Variants in INTS7 observed in about 807,000 individuals in gnomAD.
INTS7 encodes the protein chromosome 1 open reading frame 73.
INTS7 carries 46 observed loss-of-function variants against 109.2 expected under a neutral mutation model. The observed-to-expected ratio is 0.42, with a 90% CI of 0.33 to 0.54. INTS7 has a LOEUF of 0.54. INTS7 is among the 20% of genes least tolerant of loss of function. The probability of loss-of-function intolerance (pLI) is 0.07; values close to 1 mark genes in which losing one functional copy is unlikely to be tolerated. For synonymous variants in INTS7, 412 were observed against 402.9 expected, an observed-to-expected ratio of 1.02 and a Z score of -0.27; for missense variants, 929 against 1,132.4, an observed-to-expected ratio of 0.82 and a Z score of 2.58.
intron 17 of INTS7, among the ~76,000 whole-genome samples, chr1:211,952,092 T>C (rs751981735): frequency 1.5e-4 from 23 of 152,222 alleles, no homozygotes; most frequent in Non-Finnish European, 2.8e-4. Flanking sequence ...TCTGTTTCAA[T>C]TGTCCAGTGG....
chr1:211,973,822 T>A (rs1203114076), intron 13 of INTS7, among the ~76,000 whole-genome samples: 1 of 152,214 alleles, frequency 6.6e-6, no homozygotes, highest in Non-Finnish European at 1.5e-5. Flanking sequence ...ACATACCAAG[T>A]GTTTATGATC....
chr1:212,014,986 C>T (rs1666346227), intron 4 of INTS7, among the ~76,000 whole-genome samples: 1 of 150,956 alleles, frequency 6.6e-6, no homozygotes, highest in Admixed American at 6.6e-5. Flanking sequence ...CGTCTCTAAC[C>T]GGCCACCCCA....
intron 8 of INTS7, among the ~76,000 whole-genome samples, chr1:211,984,485 TTTAAAA>T (rs1664806994): frequency 6.6e-6 from 1 of 152,200 alleles, no homozygotes; most frequent in Admixed American, 6.5e-5. Context: ...AACAGTACAA[TTTAAAA>T]ACTCACATAT....
At chr1:211,965,688 G>A (rs926146188) in intron 16 of INTS7, among the ~76,000 whole-genome samples, 3 of 152,132 alleles carry the variant, frequency 2.0e-5, no homozygotes, top group Non-Finnish European at 4.4e-5. Flanking sequence ...GCAAACTAAC[G>A]CAGGAACAGA....
At chr1:212,010,819 AT>A (rs1666135764) in intron 5 of INTS7, among the ~76,000 whole-genome samples, 1 of 152,196 alleles carries the variant, frequency 6.6e-6, no homozygotes, top group South Asian at 2.1e-4. Flanking sequence ...TGGCTATACC[AT>A]TTAGGTTTAT....
At chr1:211,995,607 A>C (rs957372495) in intron 7 of INTS7, among the ~76,000 whole-genome samples, 3 of 152,248 alleles carry the variant, frequency 2.0e-5, no homozygotes, top group African/African-American at 7.2e-5. Flanking sequence ...CTATGGAATA[A>C]GACAGCCCTA....
intron 8 of INTS7, among the ~76,000 whole-genome samples, chr1:211,985,254 C>A (rs1026174997): frequency 6.6e-6 from 1 of 152,114 alleles, no homozygotes; most frequent in Non-Finnish European, 1.5e-5. Flanking sequence ...TTTTAAGGTG[C>A]CTTTTTCTTA....
At chr1:212,004,403 T>G (rs1476732426) in intron 7 of INTS7, among the ~76,000 whole-genome samples, 1 of 152,134 alleles carries the variant, frequency 6.6e-6, no homozygotes, top group Admixed American at 6.6e-5. Flanking sequence ...AACATAAAGA[T>G]ATATAAAGAT....
At chr1:211,981,875 T>C (rs1408027032) in intron 9 of INTS7, among the ~76,000 whole-genome samples, 2 of 152,190 alleles carry the variant, frequency 1.3e-5, no homozygotes, top group African/African-American at 4.8e-5. Flanking sequence ...GTGATGCCAA[T>C]ATAAAACAGG....
Position 211,942,851 on chromosome 1 carries a change from A to G in INTS7, c.2602-740T>C, listed in dbSNP as rs1221562949. On this transcript the variant is annotated intron_variant, in intron 19 of 19. Coordinates refer to ENST00000366994, the MANE Select transcript of INTS7 (RefSeq NM_015434.4). This position sits in a 1 kb window ranked among gnomAD's most constrained non-coding sequence, Gnocchi z 4.2. ...TACCCAAGATGAAACGTGTCAAGAGACAGATTTATCCTGAGAATGCAAATA... is the reference window on the plus strand; with the variant it reads ...TACCCAAGATGAAACGTGTCAAGAGGCAGATTTATCCTGAGAATGCAAATA... Among the ~76,000 whole-genome samples, 1 of 152,218 alleles carries G rather than the reference A, an allele frequency of 6.6e-6. No homozygotes were observed. Among genetic ancestry groups the G allele is most frequent in the Non-Finnish European group, 1.5e-5 (1 of 68,038 alleles).
chr1:211,997,045 A>G (rs556291246), intron 7 of INTS7, among the ~76,000 whole-genome samples: 1 of 151,908 alleles, frequency 6.6e-6, no homozygotes, highest in African/African-American at 2.4e-5. Flanking sequence ...AAATAAAAAT[A>G]AAAACCACTG....
intron 10 of INTS7, among the ~76,000 whole-genome samples, chr1:211,979,434 T>A (rs995916067): frequency 6.6e-6 from 1 of 152,200 alleles, no homozygotes; most frequent in African/African-American, 2.4e-5. Flanking sequence ...GTTTCTGATG[T>A]GTATAAGAGG....
intron 16 of INTS7, among the ~76,000 whole-genome samples, chr1:211,953,281 A>T (rs920328238): frequency 3.3e-5 from 5 of 152,178 alleles, no homozygotes; most frequent in African/African-American, 1.2e-4. Flanking sequence ...GCGTGCTGGG[A>T]TAAGTTTAAC....
chr1:211,952,998 C>T (rs1663174472), intron 16 of INTS7, among the ~76,000 whole-genome samples: 1 of 152,118 alleles, frequency 6.6e-6, no homozygotes, highest in Admixed American at 6.5e-5. Flanking sequence ...GAGACATAAA[C>T]ACATCTGAAA....
chr1:211,995,018 C>A (rs1665319469), intron 7 of INTS7, among the ~76,000 whole-genome samples: 1 of 151,712 alleles, frequency 6.6e-6, no homozygotes, highest in South Asian at 2.1e-4. Flanking sequence ...CAATTAGATT[C>A]CAGATTACTT....
intron 1 of INTS7, among the ~76,000 whole-genome samples, chr1:212,029,653 C>T (rs12088345): frequency 1.3e-5 from 2 of 152,206 alleles, no homozygotes; most frequent in Non-Finnish European, 2.9e-5. Flanking sequence ...ATCAACATAA[C>T]TAACATCCAC....
intron 8 of INTS7, among the ~76,000 whole-genome samples, chr1:211,987,174 G>A (rs1664929615): frequency 6.6e-6 from 1 of 152,094 alleles, no homozygotes; most frequent in African/African-American, 2.4e-5. Context: ...GCGGGCGCCT[G>A]TAGTCCCAGC....
chr1:211,969,216 C>G (rs1316433735), intron 13 of INTS7, among the ~76,000 whole-genome samples: 1 of 150,758 alleles, frequency 6.6e-6, no homozygotes, highest in Non-Finnish European at 1.5e-5. Flanking sequence ...ACCCGGGAGG[C>G]GGAGTCTGCT....
intron 7 of INTS7, among the ~76,000 whole-genome samples, chr1:211,994,154 A>G (rs1290836758): frequency 1.3e-5 from 2 of 152,200 alleles, no homozygotes; most frequent in Non-Finnish European, 2.9e-5. Context: ...GGGAAGCCCT[A>G]CAATTACTCT....
Sources: allele counts gnomAD v4.1 joint callset (sites outside exome capture counted in the v4.1 genomes callset), GRCh38; gene constraint gnomAD v4.1.1; non-coding constraint Gnocchi (gnomAD v3.1); transcripts MANE v1.5; gene names NCBI Gene and HGNC (gene_info 2026-07-23, HGNC 2026-07-21).